DCC: variants seen among roughly 807,000 people sequenced by gnomAD.
DCC encodes DCC netrin 1 receptor, also known as netrin receptor DCC.
A neutral mutation model predicts 172.5 loss-of-function variants in DCC; 58 were observed. The ratio of observed to expected loss-of-function variants is 0.34; its 90% CI spans 0.27 to 0.42. The LOEUF (loss-of-function observed/expected upper bound fraction) is 0.42, where lower values mean the gene tolerates loss of function less well. Ranked by LOEUF, DCC falls within the 10% of genes least tolerant of loss-of-function variation. The pLI is 1.00. For synonymous variants in DCC, 709 were observed against 644.5 expected (o/e 1.10, Z -1.52); for missense variants, 1,740 against 1,791.0 (o/e 0.97, Z 0.51).
intron 1 of DCC, among the ~76,000 whole-genome samples, chr18:52,360,190 A>G (rs1225555654): frequency 1.3e-5 from 2 of 152,180 alleles, no homozygotes; most frequent in African/African-American, 4.8e-5. Flanking sequence ...TTATTTAGAC[A>G]CTTCTAGATT....
chr18:53,128,163 A>G lies in DCC; in HGVS notation c.1262-29193A>G, dbSNP rs141714994. On this transcript the variant is annotated intron_variant, in intron 7 of 28. Transcript: ENST00000442544. ...CACACAATCATATGTCTTAAAGGCAATGGTTGCAACTTCTTTTCTCACTTA... is the reference window on the plus strand; with the variant it reads ...CACACAATCATATGTCTTAAAGGCAGTGGTTGCAACTTCTTTTCTCACTTA... 6.1e-3 allele frequency among the ~76,000 whole-genome samples: 935 copies of G among 152,272 alleles called. 5 individuals carry two copies. The highest frequency in any genetic ancestry group is 0.011 in the Non-Finnish European group (763 of 68,004).
At chr18:52,622,751 A>G (rs2034503496) in intron 1 of DCC, among the ~76,000 whole-genome samples, 1 of 152,226 alleles carries the variant, frequency 6.6e-6, no homozygotes, top group Admixed American at 6.5e-5. Flanking sequence ...GGCTGGCACC[A>G]GCCTGGTGGT....
intron 1 of DCC, among the ~76,000 whole-genome samples, chr18:52,572,000 T>A (rs1315956946): frequency 6.6e-6 from 1 of 152,210 alleles, no homozygotes; most frequent in Non-Finnish European, 1.5e-5. Flanking sequence ...ATAGAACATA[T>A]GTAACATATA....
chr18:53,274,299 C>T (rs2056781744), intron 12 of DCC, among the ~76,000 whole-genome samples: 1 of 152,256 alleles, frequency 6.6e-6, no homozygotes, highest in East Asian at 1.9e-4. Context: ...GCAGGAGCTA[C>T]TCGTAGGGAT....
intron 2 of DCC, among the ~76,000 whole-genome samples, chr18:52,840,916 G>A (rs1348536463): frequency 6.6e-6 from 1 of 151,850 alleles, no homozygotes; most frequent in Non-Finnish European, 1.5e-5. Flanking sequence ...TGATAAACAG[G>A]GAAACATAAA....
At chr18:52,770,322 G>A (rs1359848284) in intron 2 of DCC, among the ~76,000 whole-genome samples, 2 of 152,106 alleles carry the variant, frequency 1.3e-5, no homozygotes, top group Non-Finnish European at 2.9e-5. Context: ...GCTGCCTTTG[G>A]TTTAGCTCAT....
At chr18:53,336,561 G>C (rs1313858691) in intron 14 of DCC, among the ~76,000 whole-genome samples, 2 of 152,022 alleles carry the variant, frequency 1.3e-5, no homozygotes, top group Non-Finnish European at 2.9e-5. Context: ...GGTGATAAAG[G>C]GTCATTAAGG....
In DCC at chr18:53,203,913, T is replaced by A. The variant is rs555439346; in HGVS notation, c.1574-1303T>A. ...CTATATACAGGTCCATATGCAGGAA[T>A]ACAAAATTATGAAAAAATACAAAAT... On this transcript the variant is annotated intron_variant, in intron 9 of 28. Transcript: ENST00000442544. 2.0e-5 allele frequency among the ~76,000 whole-genome samples: 3 copies of A among 152,260 alleles called. No homozygotes were observed. In the South Asian group the frequency reaches 6.2e-4, roughly 32 times the overall value.
At chr18:53,353,273 T>A (rs565985759) in intron 15 of DCC, among the ~76,000 whole-genome samples, 36 of 125,998 alleles carry the variant, frequency 2.9e-4, no homozygotes, top group Non-Finnish European at 5.8e-4. Context: ...AAACTCCACT[T>A]GAGAGGAAAA....
chr18:52,625,203 G>A (rs148731625), intron 1 of DCC, among the ~76,000 whole-genome samples: 5 of 152,188 alleles, frequency 3.3e-5, no homozygotes, highest in East Asian at 1.9e-4. Context: ...TGTCATTGAC[G>A]AAAATGTCAT....
chr18:52,366,461 TG>T (rs1468675275), intron 1 of DCC, among the ~76,000 whole-genome samples: 1 of 152,174 alleles, frequency 6.6e-6, no homozygotes, highest in Non-Finnish European at 1.5e-5. Context: ...TGGCCTGTTT[TG>T]TCAGGGCGCT....
At chr18:53,313,268 C>A (rs2057304189) in intron 13 of DCC, among the ~76,000 whole-genome samples, 1 of 152,042 alleles carries the variant, frequency 6.6e-6, no homozygotes, top group African/African-American at 2.4e-5. Flanking sequence ...ATTTTGAAGA[C>A]AGAGTCTCGC....
intron 1 of DCC, among the ~76,000 whole-genome samples, chr18:52,531,220 C>G (rs2032140374): frequency 6.6e-6 from 1 of 152,168 alleles, no homozygotes; most frequent in Admixed American, 6.5e-5. Flanking sequence ...GGTGTATTAT[C>G]AGTTCCTTCA....
In DCC at chr18:52,610,162, AAAAAAAAAAAAAAAAAATATAT is replaced by A. The variant is rs1361371300; in HGVS notation, c.92-141890_92-141869del. Among the ~76,000 whole-genome samples, 96 of 17,204 alleles carry A rather than the reference AAAAAAAAAAAAAAAAAATATAT, an allele frequency of 5.6e-3. 4 individuals carry two copies. The highest frequency in any genetic ancestry group is 7.5e-3 in the Non-Finnish European group (78 of 10,438). 11.3% of individuals were successfully genotyped at this position (17,204 alleles called of 152,430 possible). On this transcript the variant is annotated intron_variant, in intron 1 of 28. Coordinates refer to ENST00000442544, the MANE Select transcript of DCC (RefSeq NM_005215.4). Reference sequence around the variant, plus strand: ...AACCCCATCTCTCATAAAAAAAAAAAAAAAAAAAAAAAAAAAATATATATATATATATATATATATATATATA... The same window carrying A: ...AACCCCATCTCTCATAAAAAAAAAAAATATATATATATATATATATATATA...
At chr18:53,483,415 G>A (rs962115075) in intron 25 of DCC, among the ~76,000 whole-genome samples, 2 of 151,824 alleles carry the variant, frequency 1.3e-5, no homozygotes, top group Non-Finnish European at 2.9e-5. Context: ...ACCTGTGAAA[G>A]ATGGAATTTT....
chr18:52,795,235 G>A (rs1355545156), intron 2 of DCC, among the ~76,000 whole-genome samples: 1 of 151,968 alleles, frequency 6.6e-6, no homozygotes, highest in African/African-American at 2.4e-5. Context: ...ATAAAATGCA[G>A]AATTAAAGCC....
At chr18:52,541,686 G>A (rs1295473480) in intron 1 of DCC, among the ~76,000 whole-genome samples, 1 of 151,910 alleles carries the variant, frequency 6.6e-6, no homozygotes, top group African/African-American at 2.4e-5. Context: ...TCCTTGATAA[G>A]AAGCAGGACT....
At chr18:52,927,313 A>AT (rs1204544168) in intron 5 of DCC, among the ~76,000 whole-genome samples, 2 of 150,864 alleles carry the variant, frequency 1.3e-5, no homozygotes, top group Non-Finnish European at 3.0e-5. Context: ...TCATACTGGC[A>AT]TTTTTTCTTT....
At chr18:53,296,737 C>A (rs770432233) in intron 12 of DCC, among the ~76,000 whole-genome samples, 1 of 152,168 alleles carries the variant, frequency 6.6e-6, no homozygotes, top group Non-Finnish European at 1.5e-5. Flanking sequence ...GGGCCTCATG[C>A]ATACTGGGAG....
Sources: gnomAD v4.1 joint callset for allele counts (sites outside exome capture counted in the v4.1 genomes callset) on GRCh38, gnomAD v4.1.1 for gene constraint, MANE v1.5 for transcripts, NCBI Gene and HGNC (gene_info 2026-07-23, HGNC 2026-07-21) for gene names.